Variants in RBFOX1 observed in about 807,000 individuals in gnomAD.
RBFOX1 encodes RNA binding fox-1 homolog 1, also known as RNA binding protein fox-1 homolog 1.
A neutral mutation model predicts 57.7 loss-of-function variants in RBFOX1; 8 were observed. The observed-to-expected ratio is 0.14, with a 90% CI of 0.08 to 0.25. The LOEUF (loss-of-function observed/expected upper bound fraction) is 0.25, where lower values mean the gene tolerates loss of function less well. RBFOX1 is among the 10% of genes least tolerant of loss of function. RBFOX1 has a pLI of 1.00. For missense variants in RBFOX1, 611 were observed against 548.5 expected (o/e 1.11, Z -1.14); for synonymous variants, 326 against 222.4 (o/e 1.47, Z -4.15).
At chr16:5,733,284 A>T (rs2052449608) in intron 3 of RBFOX1, among the ~76,000 whole-genome samples, 1 of 152,124 alleles carries the variant, frequency 6.6e-6, no homozygotes. Context: ...AGCACCACTG[A>T]CTTCCACAAA....
intron 3 of RBFOX1, among the ~76,000 whole-genome samples, chr16:6,669,394 C>G (rs2098750810): frequency 6.6e-6 from 1 of 152,128 alleles, no homozygotes; most frequent in East Asian, 1.9e-4. Context: ...GCCATAAAAA[C>G]TGTGTGATCT....
intron 1 of RBFOX1, among the ~76,000 whole-genome samples, chr16:5,247,164 G>T (rs2062322651): frequency 6.6e-6 from 1 of 152,178 alleles, no homozygotes; most frequent in Non-Finnish European, 1.5e-5. Flanking sequence ...GAAGTATAAT[G>T]GAGGCCAGTT....
intron 2 of RBFOX1, among the ~76,000 whole-genome samples, chr16:6,403,150 G>T (rs979172772): frequency 6.6e-6 from 1 of 151,468 alleles, no homozygotes; most frequent in African/African-American, 2.4e-5. Flanking sequence ...CCAGCAGCAT[G>T]AGTATCACCT....
intron 4 of RBFOX1, among the ~76,000 whole-genome samples, chr16:6,009,571 GAC>G (rs1248158211): frequency 1.3e-5 from 2 of 152,104 alleles, no homozygotes; most frequent in African/African-American, 4.8e-5. Context: ...GTGCTTCAGA[GAC>G]AGCCCTGCTA....
chr16:5,932,926 G>A (rs1597846844), intron 4 of RBFOX1, among the ~76,000 whole-genome samples: 6 of 152,254 alleles, frequency 3.9e-5, no homozygotes, highest in Admixed American at 3.3e-4. Context: ...GAAAAAAAAG[G>A]TAAAGCTCTC....
At chr16:5,894,266 C>A (rs1026816354) in intron 4 of RBFOX1, among the ~76,000 whole-genome samples, 6 of 152,182 alleles carry the variant, frequency 3.9e-5, no homozygotes, top group Admixed American at 2.0e-4. Flanking sequence ...ATAATTAAAA[C>A]AATTCAAAAC....
intron 4 of RBFOX1, among the ~76,000 whole-genome samples, chr16:7,134,363 C>T (rs572151701): frequency 2.0e-5 from 3 of 152,254 alleles, no homozygotes; most frequent in East Asian, 3.9e-4. Context: ...CCGTCAAAGA[C>T]TTTAACATCG....
chr16:5,506,287 G>T (rs1268150507), intron 2 of RBFOX1, among the ~76,000 whole-genome samples: 1 of 152,198 alleles, frequency 6.6e-6, no homozygotes, highest in Non-Finnish European at 1.5e-5. Flanking sequence ...GCGAGAATAG[G>T]ATGCTTGGCA....
At chr16:7,478,334 A>T (rs545031195) in intron 4 of RBFOX1, among the ~76,000 whole-genome samples, 1 of 152,362 alleles carries the variant, frequency 6.6e-6, no homozygotes, top group Admixed American at 6.5e-5. Context: ...CAAGAGGAAG[A>T]TAGACTTTAC....
At chr16:5,468,785 C>T (rs2069034549) in intron 2 of RBFOX1, among the ~76,000 whole-genome samples, 1 of 152,214 alleles carries the variant, frequency 6.6e-6, no homozygotes, top group Admixed American at 6.5e-5. Flanking sequence ...TTTGGCTTGA[C>T]CTGGATCCTC....
chr16:7,323,562 T>C (rs2096572908), intron 4 of RBFOX1, among the ~76,000 whole-genome samples: 1 of 152,258 alleles, frequency 6.6e-6, no homozygotes, highest in African/African-American at 2.4e-5. Context: ...AGCCTCTCAG[T>C]TCATGGGGAT....
At chr16:5,618,768 C>T (rs528471403) in intron 3 of RBFOX1, among the ~76,000 whole-genome samples, 4 of 152,216 alleles carry the variant, frequency 2.6e-5, no homozygotes, top group Non-Finnish European at 4.4e-5. Flanking sequence ...GAAGGTAAAT[C>T]AGGTTAGTTT....
intron 3 of RBFOX1, among the ~76,000 whole-genome samples, chr16:6,808,602 AGTT>A (rs1242388807): frequency 6.6e-6 from 1 of 152,242 alleles, no homozygotes; most frequent in Non-Finnish European, 1.5e-5. Flanking sequence ...GGGTGTTGGT[AGTT>A]GTTATTTTAA....
At chr16:6,845,295 G>A (rs1331265301) in intron 3 of RBFOX1, among the ~76,000 whole-genome samples, 1 of 151,236 alleles carries the variant, frequency 6.6e-6, no homozygotes, top group Non-Finnish European at 1.5e-5. Context: ...TTTTTTTCTA[G>A]TGTTTTTAGA....
chr16:5,868,420 C>G (rs1441691542), intron 4 of RBFOX1, among the ~76,000 whole-genome samples: 1 of 152,202 alleles, frequency 6.6e-6, no homozygotes, highest in African/African-American at 2.4e-5. Flanking sequence ...TTTCGCTTTC[C>G]TCAGGTATAC....
intron 4 of RBFOX1, among the ~76,000 whole-genome samples, chr16:7,204,256 A>G (rs2089431654): frequency 6.6e-6 from 1 of 152,186 alleles, no homozygotes. Flanking sequence ...CCCACCCTAA[A>G]CTTGCAGCAT....
In RBFOX1 at chr16:5,289,691, G is replaced by T. The variant is rs138552642; in HGVS notation, c.219+49586G>T. Among the ~76,000 whole-genome samples, 810 of 152,236 alleles carry T rather than the reference G, an allele frequency of 5.3e-3. 24 individuals are homozygous for T. The East Asian group carries it at 0.077, about 14-fold the overall frequency. On this transcript the variant is annotated intron_variant, in intron 1 of 2. Coordinates refer to the RBFOX1 transcript ENST00000585867. ...GGTCTAGGGGAGTTATGAGCCTTAA[G>T]TTGAGGGTGACCCAGGTCAACGTGA...
chr16:5,837,154 C>T (rs1189453119), intron 3 of RBFOX1, among the ~76,000 whole-genome samples: 1 of 152,104 alleles, frequency 6.6e-6, no homozygotes, highest in Non-Finnish European at 1.5e-5. Context: ...CCCCTGGAAT[C>T]CTGCCACTTT....
intron 2 of RBFOX1, among the ~76,000 whole-genome samples, chr16:6,374,747 G>A (rs568404530): frequency 3.7e-4 from 56 of 152,270 alleles, no homozygotes; most frequent in South Asian, 6.2e-4. Flanking sequence ...TTGAGTAATC[G>A]TACATAGGTG....
Sources: allele counts gnomAD v4.1 joint callset (sites outside exome capture counted in the v4.1 genomes callset), GRCh38; gene constraint gnomAD v4.1.1; transcripts MANE v1.5; gene names NCBI Gene and HGNC (gene_info 2026-07-23, HGNC 2026-07-21).